TECPR2: variants seen among roughly 807,000 people sequenced by gnomAD.
TECPR2 encodes tectonin beta-propeller repeat-containing protein 2.
In TECPR2, 65 loss-of-function variants were observed where a neutral mutation model predicts 138.1. That is an observed-to-expected ratio of 0.47 (90% CI 0.39 to 0.58). The LOEUF is 0.58. Among genes scored for constraint, TECPR2 ranks in the 20% least tolerant of loss-of-function variants. The pLI, the probability that TECPR2 is intolerant of heterozygous loss-of-function variation, is 0.00. For synonymous variants in TECPR2, 746 were observed against 749.8 expected, an observed-to-expected ratio of 0.99 and a Z score of 0.08; for missense variants, 1,553 against 1,824.5, an observed-to-expected ratio of 0.85 and a Z score of 2.71.
intron 7 of TECPR2, among the ~76,000 whole-genome samples, chr14:102,429,897 G>A (rs1004362934): frequency 1.3e-5 from 2 of 152,174 alleles, no homozygotes; most frequent in Non-Finnish European, 2.9e-5. Context: ...TCCATGTGTG[G>A]CTGCTGAGTA....
At chr14:102,417,076 C>T (rs181426551) in intron 5 of TECPR2, among the ~76,000 whole-genome samples, 9 of 152,282 alleles carry the variant, frequency 5.9e-5, no homozygotes, top group East Asian at 5.8e-4. Context: ...TCTCCTAGTG[C>T]GTCTGTGCAG....
At chr14:102,460,066 T>G (rs543202177) in intron 16 of TECPR2, among the ~76,000 whole-genome samples, 22 of 151,992 alleles carry the variant, frequency 1.4e-4, no homozygotes, top group African/African-American at 5.1e-4. Flanking sequence ...AGGCCAGGAG[T>G]TTGAGACCAG....
At position 102,498,301 on chromosome 14, in the gene TECPR2, C is replaced by A; in HGVS notation, c.*44C>A. ...ACGCGGAGGGGCCCGGCGTCTGTGG[C>A]GGGCACAGGGGCTTCAGAGTGACTC... On this transcript the variant is annotated 3_prime_UTR_variant, in exon 20 of 20. Coordinates refer to ENST00000359520, the MANE Select transcript of TECPR2 (RefSeq NM_014844.5). 1 of 1,567,456 alleles carries A rather than the reference C, an allele frequency of 6.4e-7. No individual in the cohort carries two copies. Among genetic ancestry groups the A allele is most frequent in the East Asian group, 2.3e-5 (1 of 43,992 alleles).
At chr14:102,485,821 A>G (rs1391285811) in intron 17 of TECPR2, among the ~76,000 whole-genome samples, 1 of 152,186 alleles carries the variant, frequency 6.6e-6, no homozygotes, top group Non-Finnish European at 1.5e-5. Context: ...AGAGTCAGCC[A>G]CAGAGCAGGG....
rs538226630 is a variant in TECPR2 at position 102,448,545 on chromosome 14, A to G, written c.3076-1084A>G. 3.4e-3 allele frequency among the ~76,000 whole-genome samples: 515 copies of G among 152,244 alleles called. 5 individuals carry two copies. The highest frequency in any genetic ancestry group is 0.012 in the African/African-American group (503 of 41,538). ...TTGATGCTCTTGCCCTGGAGTAATT[A>G]TTAGTAGTCCCAATTCAGATCATAA... On this transcript the variant is annotated intron_variant, in intron 13 of 19. Transcript: ENST00000359520.
chr14:102,443,965 A>G lies in TECPR2; in HGVS notation c.2933+138A>G. ...CTCCATGGCTATAGGCTAAGCTTGA[A>G]TCTCTGCCTAATTCTGACCGGCAAA... On this transcript the variant is annotated intron_variant, in intron 12 of 19. Transcript: ENST00000359520. This position sits in a 1 kb window ranked among gnomAD's most constrained non-coding sequence, Gnocchi z 4.9. 1.2e-6 allele frequency: 1 copy of G among 834,494 alleles called. No individual in the cohort carries two copies. The highest frequency in any genetic ancestry group is 1.7e-6 in the Non-Finnish European group (1 of 581,900). 51.7% of individuals were successfully genotyped at this position (834,494 alleles called of 1,614,324 possible).
intron 13 of TECPR2, among the ~76,000 whole-genome samples, chr14:102,449,087 A>T (rs10131584): frequency 0.22 from 33,359 of 152,112 alleles, 4,346 homozygotes; most frequent in Middle Eastern, 0.31. Context: ...ACACAGGGAG[A>T]CCTGTCTCTA....
chr14:102,373,953 C>T (rs779487406), intron 1 of TECPR2, among the ~76,000 whole-genome samples: 14 of 151,656 alleles, frequency 9.2e-5, no homozygotes, highest in Non-Finnish European at 1.8e-4. Flanking sequence ...TGGTGGCACA[C>T]GCCTGTAGTC....
At chr14:102,452,192 T>A (rs1212420412) in intron 15 of TECPR2, among the ~76,000 whole-genome samples, 1 of 152,264 alleles carries the variant, frequency 6.6e-6, no homozygotes, top group Non-Finnish European at 1.5e-5. Flanking sequence ...GGCGTGTTTC[T>A]TGTTAGTCAC....
intron 16 of TECPR2, among the ~76,000 whole-genome samples, chr14:102,464,508 C>G (rs926956728): frequency 6.6e-6 from 1 of 151,992 alleles, no homozygotes; most frequent in African/African-American, 2.4e-5. Flanking sequence ...TCTCAGCCTC[C>G]CGAGTAGCTG....
chr14:102,474,860 A>C (rs1890725041), intron 17 of TECPR2, among the ~76,000 whole-genome samples: 1 of 152,032 alleles, frequency 6.6e-6, no homozygotes, highest in Non-Finnish European at 1.5e-5. Flanking sequence ...GCCCCACACA[A>C]AGATTTTAGA....
intron 16 of TECPR2, among the ~76,000 whole-genome samples, chr14:102,456,730 CAG>C (rs1335919006): frequency 6.6e-6 from 1 of 151,766 alleles, no homozygotes; most frequent in Non-Finnish European, 1.5e-5. Context: ...GCTGGGACTA[CAG>C]GCTCCCAACA....
At chr14:102,380,365 C>T (rs527801278) in intron 2 of TECPR2, among the ~76,000 whole-genome samples, 2 of 152,346 alleles carry the variant, frequency 1.3e-5, no homozygotes, top group South Asian at 4.1e-4. Context: ...AGCCCGTTCT[C>T]ATGCTGCTAT....
Position 102,501,964 on chromosome 14 carries a change from G to C in TECPR2, c.*3707G>C, listed in dbSNP as rs765502168. 2 of 152,182 alleles carry C rather than the reference G, an allele frequency of 1.3e-5. No homozygotes were observed. Among genetic ancestry groups the C allele is most frequent in the African/African-American group, 4.8e-5 (2 of 41,432 alleles). The allele number at this position is 152,182 out of a possible 1,614,324, so 9.4% of individuals were successfully genotyped here. On this transcript the variant is annotated 3_prime_UTR_variant, in exon 20 of 20. Transcript: ENST00000359520. ...GGTCCGTACGTAGGCCTTGCATCTC[G>C]CCACCTCCACTTCTGTCCTCAAGAA...
rs1312753546 is a variant in TECPR2 at position 102,434,219 on chromosome 14, T to C, written c.1418-16T>C. ...TAGAACCGTGCCTTATTTTGAATGT[T>C]CTTATTCTGAATTAGAAGGTGGAAG... On this transcript the variant is annotated splice_polypyrimidine_tract_variant and intron_variant, in intron 8 of 19. Coordinates refer to ENST00000359520, the MANE Select transcript of TECPR2 (RefSeq NM_014844.5). 1 of 1,356,056 alleles carries C rather than the reference T, an allele frequency of 7.4e-7. No homozygotes were observed. Among genetic ancestry groups the C allele is most frequent in the Non-Finnish European group, 9.5e-7 (1 of 1,047,326 alleles). 84.0% of individuals were successfully genotyped at this position (1,356,056 alleles called of 1,614,324 possible).
chr14:102,448,527 T>C (rs1053727642), intron 13 of TECPR2, among the ~76,000 whole-genome samples: 2 of 152,146 alleles, frequency 1.3e-5, no homozygotes, highest in African/African-American at 4.8e-5. Flanking sequence ...TAGTTGATGC[T>C]CTTGCCCTGG....
In TECPR2 at chr14:102,406,622, G is replaced by A. The variant is rs983969729; in HGVS notation, c.220-716G>A. On this transcript the variant is annotated intron_variant, in intron 2 of 19. Transcript: ENST00000359520. The stretch of plus-strand genomic sequence containing the variant: ...TAATCCCAGCACTTTGAGAGGCCCA[G>A]GCAGGAAGATCCCTTGTGCCCAGGA... 2.0e-5 allele frequency among the ~76,000 whole-genome samples: 3 copies of A among 152,144 alleles called. No homozygotes were observed. The South Asian group carries it at 6.2e-4, about 31-fold the overall frequency.
chr14:102,377,012 G>A (rs1377795198), intron 2 of TECPR2, 72 bp downstream of exon 2: 2 of 1,483,108 alleles, frequency 1.3e-6, no homozygotes, highest in Admixed American at 1.9e-5. Context: ...TGTGTTCTAG[G>A]ATGAGATAAT....
At chr14:102,445,696 G>A (rs923173709) in intron 12 of TECPR2, 110 bp from the exon 13 acceptor site, 24 of 1,394,374 alleles carry the variant, frequency 1.7e-5, no homozygotes, top group Middle Eastern at 5.2e-4. Context: ...CCAGGGCCAC[G>A]TCTCTTCTCC....
Sources: allele counts gnomAD v4.1 joint callset (sites outside exome capture counted in the v4.1 genomes callset), GRCh38; gene constraint gnomAD v4.1.1; non-coding constraint Gnocchi (gnomAD v3.1); transcripts MANE v1.5; gene names NCBI Gene and HGNC (gene_info 2026-07-23, HGNC 2026-07-21).